Variants in EPB41 observed in about 807,000 individuals in gnomAD.
The protein encoded by EPB41 is protein 4.1.
EPB41 carries 65 observed loss-of-function variants against 108.0 expected under a neutral mutation model. That is an observed-to-expected ratio of 0.60 (90% confidence interval 0.49 to 0.74). EPB41 has a LOEUF of 0.74. EPB41 is among the 30% of genes least tolerant of loss of function. The pLI is 0.00. For synonymous variants in EPB41, 336 were observed against 358.9 expected (o/e 0.94, Z 0.72); for missense variants, 875 against 1,037.0 (o/e 0.84, Z 2.15).
At chr1:28,933,821 G>T (rs867480542) in intron 1 of EPB41, among the ~76,000 whole-genome samples, 1 of 152,078 alleles carries the variant, frequency 6.6e-6, no homozygotes, top group South Asian at 2.1e-4. Context: ...CCACACACAC[G>T]GTTTTAGATT....
At chr1:29,024,608 G>A (rs2096695059) in intron 7 of EPB41, among the ~76,000 whole-genome samples, 2 of 151,952 alleles carry the variant, frequency 1.3e-5, no homozygotes, top group South Asian at 4.2e-4. Context: ...ACCCCAGCTG[G>A]GCGACAGAGC....
intron 1 of EPB41, among the ~76,000 whole-genome samples, chr1:28,890,646 A>G (rs1009938344): frequency 6.6e-6 from 1 of 152,176 alleles, no homozygotes; most frequent in Admixed American, 6.5e-5. Flanking sequence ...CCTGTTAAGC[A>G]CTTACTATGC....
At chr1:29,035,476 C>T (rs996492969) in intron 9 of EPB41, among the ~76,000 whole-genome samples, 1 of 151,786 alleles carries the variant, frequency 6.6e-6, no homozygotes, top group Admixed American at 6.6e-5. Flanking sequence ...TGAACAGTGT[C>T]CCAAATGCAG....
intron 7 of EPB41, among the ~76,000 whole-genome samples, chr1:29,025,684 A>G (rs1191987478): frequency 6.6e-6 from 1 of 151,974 alleles, no homozygotes; most frequent in Non-Finnish European, 1.5e-5. Context: ...TATGCTTTTA[A>G]TGATATTTTC....
chr1:29,059,601 C>A (rs1465944835), intron 14 of EPB41, among the ~76,000 whole-genome samples: 1 of 151,808 alleles, frequency 6.6e-6, no homozygotes, highest in Non-Finnish European at 1.5e-5. Flanking sequence ...CATAGGGAGA[C>A]CCCATCTCTT....
intron 16 of EPB41, among the ~76,000 whole-genome samples, chr1:29,087,146 T>C (rs1014572650): frequency 1.3e-5 from 2 of 151,916 alleles, no homozygotes; most frequent in Non-Finnish European, 2.9e-5. Context: ...TTTTACCATG[T>C]TAGCCAGGAT....
intron 3 of EPB41, among the ~76,000 whole-genome samples, chr1:28,994,992 G>A (rs2096133662): frequency 9.0e-6 from 1 of 111,238 alleles, no homozygotes; most frequent in Non-Finnish European, 1.8e-5. Context: ...ATTTGCAAAT[G>A]TAAATATGTT....
At chr1:29,026,812 A>G (rs913182053) in intron 7 of EPB41, among the ~76,000 whole-genome samples, 7 of 151,962 alleles carry the variant, frequency 4.6e-5, no homozygotes, top group African/African-American at 1.7e-4. Flanking sequence ...GTCTCTTAAA[A>G]AAAATTTTTT....
At chr1:28,909,814 A>G (rs1252801429), upstream of EPB41, among the ~76,000 whole-genome samples, 1 of 78,152 alleles carries the variant, frequency 1.3e-5, no homozygotes, top group Non-Finnish European at 4.2e-5. Flanking sequence ...GATAAATACA[A>G]TAGATAGATA....
intron 1 of EPB41, among the ~76,000 whole-genome samples, chr1:28,940,824 C>A (rs1218863579): frequency 6.6e-6 from 1 of 152,052 alleles, no homozygotes; most frequent in Non-Finnish European, 1.5e-5. Context: ...TGTTTACAAT[C>A]GTCTGACATG....
chr1:28,915,974 G>T (rs60720651), intron 1 of EPB41, among the ~76,000 whole-genome samples: 1 of 151,974 alleles, frequency 6.6e-6, no homozygotes, highest in African/African-American at 2.4e-5. Flanking sequence ...AGGATATATA[G>T]CCCGTATATG....
chr1:28,949,125 C>A (rs2094602476), intron 1 of EPB41, among the ~76,000 whole-genome samples: 1 of 152,016 alleles, frequency 6.6e-6, no homozygotes, highest in South Asian at 2.1e-4. Flanking sequence ...TGCTGCTGAG[C>A]ATTTTGTATT....
At chr1:29,051,807 A>AAGT (rs1644563563) in intron 11 of EPB41, among the ~76,000 whole-genome samples, 2 of 152,090 alleles carry the variant, frequency 1.3e-5, no homozygotes, top group South Asian at 4.2e-4. Flanking sequence ...CTGAGGCAGG[A>AAGT]GAATCACTTG....
rs187785827 is a variant in EPB41 at position 28,887,890 on chromosome 1, T to A, written c.-8+680T>A. On this transcript the variant is annotated intron_variant, in intron 1 of 16. Transcript: ENST00000347529. This position sits in a 1 kb window ranked among gnomAD's most constrained non-coding sequence, Gnocchi z 4.9. ...GTTCAGGCTCAGGTTCCCTCTCATC[T>A]CTGGGTTCCCTGTATCTCTCATCTG... 2.6e-3 allele frequency among the ~76,000 whole-genome samples: 400 copies of A among 152,330 alleles called. No homozygotes were observed. The highest frequency in any genetic ancestry group is 9.2e-3 in the African/African-American group (383 of 41,586).
intron 8 of EPB41, 108 bp downstream of exon 8, chr1:29,030,595 C>G: frequency 1.1e-6 from 1 of 894,186 alleles, no homozygotes; most frequent in South Asian, 1.4e-5. Flanking sequence ...TTAACAACAT[C>G]TGGGGTATTT....
At chr1:28,935,247 A>G (rs2093945771) in intron 1 of EPB41, among the ~76,000 whole-genome samples, 1 of 151,814 alleles carries the variant, frequency 6.6e-6, no homozygotes, top group African/African-American at 2.4e-5. Context: ...CATGACCAAC[A>G]TGGCGAAACG....
chr1:29,003,241 C>T, intron 4 of EPB41, among the ~76,000 whole-genome samples: 1 of 152,172 alleles, frequency 6.6e-6, no homozygotes, highest in Non-Finnish European at 1.5e-5. Flanking sequence ...AAGTTTTCCG[C>T]CATTCTGAAA....
At chr1:28,999,153 G>A (rs1191691827) in intron 4 of EPB41, among the ~76,000 whole-genome samples, 4 of 152,090 alleles carry the variant, frequency 2.6e-5, no homozygotes, top group South Asian at 2.1e-4. Flanking sequence ...GGCGGATCAC[G>A]AGGTCAGGAG....
intron 19 of EPB41, among the ~76,000 whole-genome samples, chr1:29,112,651 A>G (rs1389164224): frequency 6.6e-6 from 1 of 152,202 alleles, no homozygotes; most frequent in Non-Finnish European, 1.5e-5. Context: ...ATGTAATGGA[A>G]AGAACATGAG....
Sources: allele counts gnomAD v4.1 joint callset (sites outside exome capture counted in the v4.1 genomes callset), GRCh38; gene constraint gnomAD v4.1.1; non-coding constraint Gnocchi (gnomAD v3.1); transcripts MANE v1.5; gene names NCBI Gene and HGNC (gene_info 2026-07-23, HGNC 2026-07-21).